The following RASGRP1 variants were observed in gnomAD, a reference collection of about 807,000 sequenced individuals.
The protein encoded by RASGRP1 is RAS guanyl releasing protein 1, also known as RAS guanyl-releasing protein 1.
A neutral mutation model predicts 95.1 loss-of-function variants in RASGRP1; 37 were observed. The observed-to-expected ratio is 0.39, with a 90% CI of 0.30 to 0.51. The LOEUF (loss-of-function observed/expected upper bound fraction) is 0.51. Ranked by LOEUF, RASGRP1 falls within the 20% of genes least tolerant of loss-of-function variation. The pLI is 0.80. For synonymous variants in RASGRP1, 325 were observed against 353.4 expected (o/e 0.92, Z 0.90); for missense variants, 711 against 965.4 (o/e 0.74, Z 3.49).
chr15:38,507,183 G>C (rs927408874), intron 9 of RASGRP1, among the ~76,000 whole-genome samples: 2 of 152,194 alleles, frequency 1.3e-5, no homozygotes, highest in African/African-American at 4.8e-5. Context: ...TGCAGGTCTG[G>C]AAGGGAGTTC....
At chr15:38,557,255 G>A (rs1367344614) in intron 2 of RASGRP1, among the ~76,000 whole-genome samples, 1 of 152,172 alleles carries the variant, frequency 6.6e-6, no homozygotes, top group Non-Finnish European at 1.5e-5. Flanking sequence ...CAATTTCCAT[G>A]TCCCAGCCCC....
In RASGRP1 at chr15:38,494,578, C is replaced by A; in HGVS notation, c.2063G>T (p.Gly688Val). ...CCTTGGGGAAGACAGCACAAAGGGA[C>A]CTGAAGGGCCCTCACTGCCAATCCA... Reference protein sequence around the residue: ...QPWIGSEGPSGPFVLSSPRKT... With the variant: ...QPWIGSEGPSVPFVLSSPRKT... Residue 688 changes from glycine (G) to valine (V), a missense_variant, in exon 16 of 17, where the codon GGT becomes GTT. This residue lies in a region of RASGRP1 where 212 missense variants were observed against 247.8 expected (regional missense o/e 0.86). Coordinates refer to ENST00000310803, the MANE Select transcript of RASGRP1 (RefSeq NM_005739.4). The A allele has an allele frequency of 6.4e-7, 1 of 1,563,560 alleles. No homozygotes were observed. Among genetic ancestry groups the A allele is most frequent in the Non-Finnish European group, 8.6e-7 (1 of 1,157,430 alleles).
chr15:38,563,318 T>C (rs1341642762), intron 1 of RASGRP1, among the ~76,000 whole-genome samples: 1 of 152,212 alleles, frequency 6.6e-6, no homozygotes, highest in Non-Finnish European at 1.5e-5. Context: ...AATGTTTTCC[T>C]GTAAATGAAA....
intron 2 of RASGRP1, among the ~76,000 whole-genome samples, chr15:38,559,492 G>C (rs1322715619): frequency 6.6e-6 from 1 of 152,178 alleles, no homozygotes; most frequent in Non-Finnish European, 1.5e-5. Flanking sequence ...TGTGCCCCAA[G>C]AAGGCAAGGA....
At chr15:38,530,896 C>A (rs1383996463) in intron 2 of RASGRP1, among the ~76,000 whole-genome samples, 2 of 152,074 alleles carry the variant, frequency 1.3e-5, no homozygotes, top group Non-Finnish European at 2.9e-5. Flanking sequence ...TAGACTTGTT[C>A]TATGGGGCCA....
At chr15:38,523,691 CT>C (rs1424984205) in intron 3 of RASGRP1, among the ~76,000 whole-genome samples, 1 of 152,140 alleles carries the variant, frequency 6.6e-6, no homozygotes, top group Non-Finnish European at 1.5e-5. Flanking sequence ...AAGTGCCCCC[CT>C]ATACATATCA....
intron 2 of RASGRP1, among the ~76,000 whole-genome samples, chr15:38,540,483 A>C (rs1323854043): frequency 6.6e-6 from 1 of 152,220 alleles, no homozygotes; most frequent in Non-Finnish European, 1.5e-5. Context: ...AAGGATTTGT[A>C]TCCCCAGGAT....
At chr15:38,528,391 C>T (rs1892310399) in intron 2 of RASGRP1, among the ~76,000 whole-genome samples, 1 of 99,924 alleles carries the variant, frequency 1.0e-5, no homozygotes, top group Non-Finnish European at 2.1e-5. Flanking sequence ...GTCCATTATT[C>T]CACTAAATCT....
Position 38,488,501 on chromosome 15 carries a change from A to T in RASGRP1, c.*2053T>A, listed in dbSNP as rs1477690994. 1 of 151,900 alleles carries T rather than the reference A, an allele frequency of 6.6e-6. No homozygotes were observed. The highest frequency in any genetic ancestry group is 2.4e-5 in the African/African-American group (1 of 41,396). The allele number at this position is 151,900 out of a possible 1,614,324, so 9.4% of individuals were successfully genotyped here. Reference sequence around the variant, plus strand: ...TCTTTGGCCCTTGCTGGACTGTAAAAACCTGTGACTAAACTATTTCCTCTT... The same window carrying T: ...TCTTTGGCCCTTGCTGGACTGTAAATACCTGTGACTAAACTATTTCCTCTT... On this transcript the variant is annotated 3_prime_UTR_variant, in exon 17 of 17. Coordinates refer to ENST00000310803, the MANE Select transcript of RASGRP1 (RefSeq NM_005739.4).
intron 1 of RASGRP1, among the ~76,000 whole-genome samples, chr15:38,563,227 G>A (rs1003634857): frequency 6.6e-6 from 1 of 152,180 alleles, no homozygotes; most frequent in Non-Finnish European, 1.5e-5. Flanking sequence ...TTATAGGCAG[G>A]TCGAAGGTGT....
At chr15:38,502,139 G>A (rs1429816453) in intron 12 of RASGRP1, among the ~76,000 whole-genome samples, 173 bp downstream of exon 12, 4 of 152,224 alleles carry the variant, frequency 2.6e-5, no homozygotes, top group Middle Eastern at 3.2e-3. Flanking sequence ...ACAGGCGTGA[G>A]CCACTGTGCC....
At chr15:38,531,758 C>G (rs1892448619) in intron 2 of RASGRP1, among the ~76,000 whole-genome samples, 1 of 151,596 alleles carries the variant, frequency 6.6e-6, no homozygotes, top group African/African-American at 2.4e-5. Context: ...CACTCTCTCT[C>G]TACACCCAGT....
chr15:38,501,120 G>A, intron 13 of RASGRP1, 23 bp downstream of exon 13: 2 of 1,572,614 alleles, frequency 1.3e-6, no homozygotes, highest in Non-Finnish European at 1.7e-6. Context: ...ATTCAGCCCT[G>A]GAGCACCCTA....
intron 2 of RASGRP1, among the ~76,000 whole-genome samples, chr15:38,552,145 T>C (rs1052262663): frequency 6.6e-6 from 1 of 152,242 alleles, no homozygotes; most frequent in Non-Finnish European, 1.5e-5. Flanking sequence ...CATGCTGTTT[T>C]CATGTTCCAT....
At chr15:38,556,929 G>C (rs1173034265) in intron 2 of RASGRP1, among the ~76,000 whole-genome samples, 2 of 152,130 alleles carry the variant, frequency 1.3e-5, no homozygotes, top group Non-Finnish European at 2.9e-5. Context: ...TGAGGCAAAA[G>C]AGTCCCAATA....
rs1350441507 is a variant in RASGRP1 at position 38,564,723 on chromosome 15, C to T, written c.-95G>A. On this transcript the variant is annotated 5_prime_UTR_variant, in exon 1 of 17. Coordinates refer to ENST00000310803, the MANE Select transcript of RASGRP1 (RefSeq NM_005739.4). ...ACCGCCGCCGCCTGCCGGCTCTCTC[C>T]CCCCCGGGCCTCGTAGCCCCGGCGC... 53 of 1,061,902 alleles carry T rather than the reference C, an allele frequency of 5.0e-5. No individual in the cohort carries two copies. The highest frequency in any genetic ancestry group is 6.0e-5 in the Non-Finnish European group (51 of 855,666). The allele number at this position is 1,061,902 out of a possible 1,614,324, so 65.8% of individuals were successfully genotyped here.
chr15:38,495,707 C>G (rs563369713), intron 15 of RASGRP1, among the ~76,000 whole-genome samples: 1 of 152,142 alleles, frequency 6.6e-6, no homozygotes, highest in Admixed American at 6.5e-5. Context: ...CAATAAAGCT[C>G]AAAATTGTAA....
chr15:38,543,672 T>A lies in RASGRP1; in HGVS notation c.220+16149A>T, dbSNP rs115756540. 7.3e-3 allele frequency among the ~76,000 whole-genome samples: 1,090 copies of A among 148,564 alleles called. 20 individuals carry two copies. Among genetic ancestry groups the A allele is most frequent in the African/African-American group, 0.025 (1,020 of 40,256 alleles). On this transcript the variant is annotated intron_variant, in intron 2 of 16. Coordinates refer to ENST00000310803, the MANE Select transcript of RASGRP1 (RefSeq NM_005739.4). ...TCTTTTTTTTTTTTTGCATCCACTATAGTATTAAGCCCATCCAGTTAATTT... is the reference window on the plus strand; with the variant it reads ...TCTTTTTTTTTTTTTGCATCCACTAAAGTATTAAGCCCATCCAGTTAATTT...
At chr15:38,510,300 G>A (rs1042109438) in intron 8 of RASGRP1, among the ~76,000 whole-genome samples, 3 of 152,226 alleles carry the variant, frequency 2.0e-5, no homozygotes, top group African/African-American at 7.2e-5. Context: ...CCTCTGAGAT[G>A]TGGGCAATCT....
Sources: gnomAD v4.1 joint callset for allele counts (sites outside exome capture counted in the v4.1 genomes callset) on GRCh38, gnomAD v4.1.1 for gene constraint, gnomAD v4.1.1 regional missense constraint, MANE v1.5 for transcripts, NCBI Gene and HGNC (gene_info 2026-07-23, HGNC 2026-07-21) for gene names.